Variants in BTNL9 observed in about 807,000 individuals in gnomAD.
BTNL9 encodes butyrophilin like 9.
In BTNL9, 45 loss-of-function variants were observed where a neutral mutation model predicts 45.8. The ratio of observed to expected loss-of-function variants is 0.98; its 90% CI spans 0.77 to 1.26. The LOEUF is 1.26. BTNL9 is among the 50% of genes most tolerant of loss of function. The pLI is 0.00. For synonymous variants in BTNL9, 346 were observed against 330.8 expected (o/e 1.05, Z -0.50); for missense variants, 784 against 729.7 (o/e 1.07, Z -0.86).
chr5:181,054,359 C>G (rs989044364), intron 7 of BTNL9, 100 bp downstream of exon 7: 3 of 1,571,996 alleles, frequency 1.9e-6, no homozygotes, highest in Non-Finnish European at 2.6e-6. Context: ...TGGCAACTAT[C>G]TAATTCTAAA....
At chr5:181,047,594 CT>C in intron 2 of BTNL9, 1 of 795,316 alleles carries the variant, frequency 1.3e-6, no homozygotes, top group Non-Finnish European at 1.6e-6. Flanking sequence ...TTGACACTTG[CT>C]TTTTTGATCA....
rs1241709510 is a variant in BTNL9 at position 181,045,765 on chromosome 5, C to A, written c.109+167C>A. On this transcript the variant is annotated intron_variant, in intron 2 of 10. Coordinates refer to ENST00000327705, the MANE Select transcript of BTNL9 (RefSeq NM_152547.5). ...AGCCACTACCCCGAGCATTACCCAG[C>A]CTGTAGTGATGTTCCTCCACCATCT... is the stretch of plus-strand genomic sequence containing the variant. Among the ~76,000 whole-genome samples, 4 of 151,764 alleles carry A rather than the reference C, an allele frequency of 2.6e-5. 1 individual carries two copies. Among genetic ancestry groups the A allele is most frequent in the African/African-American group, 9.7e-5 (4 of 41,268 alleles).
At chr5:181,058,232 C>T in intron 9 of BTNL9, 120 bp from the exon 10 acceptor site, 1 of 1,187,908 alleles carries the variant, frequency 8.4e-7, no homozygotes, top group East Asian at 2.3e-5. Context: ...CCAGTTGTCA[C>T]AGTGGGAATG....
At chr5:181,052,612 G>A (rs1761604194) in intron 4 of BTNL9, among the ~76,000 whole-genome samples, 1 of 152,342 alleles carries the variant, frequency 6.6e-6, no homozygotes, top group East Asian at 1.9e-4. Context: ...AAGGGCCGGT[G>A]GGTTCTGCGC....
intron 4 of BTNL9, among the ~76,000 whole-genome samples, chr5:181,051,078 C>CAAAAA (rs1399289272): frequency 2.0e-4 from 9 of 44,684 alleles, no homozygotes; most frequent in African/African-American, 7.7e-4. Flanking sequence ...GAATCCGTCT[C>CAAAAA]AAAAAAAAAA....
chr5:181,045,424 C>G, intron 1 of BTNL9, 43 bp from the exon 2 acceptor site: 1 of 1,054,378 alleles, frequency 9.5e-7, no homozygotes, highest in Non-Finnish European at 1.5e-6. Context: ...CCAGCTCCCC[C>G]TACCTTTGCA....
Position 181,053,305 on chromosome 5 carries a change from G to A in BTNL9, c.842G>A (p.Arg281Gln). 6.4e-7 allele frequency: 1 copy of A among 1,569,438 alleles called. No homozygotes were observed. The highest frequency in any genetic ancestry group is 8.6e-7 in the Non-Finnish European group (1 of 1,160,090). ...ALALGVLRKQ[R>Q]RSREKLRKQA... ...GCGCTGGGCGTCCTCCGGAAGCAGC[G>A]GAGAAGCCGAGGTACCGGCGCGGGC... Residue 281 changes from arginine to glutamine, a missense_variant, in exon 5 of 11, where the codon CGG (arginine) becomes CAG (glutamine). Coordinates refer to ENST00000327705, the MANE Select transcript of BTNL9 (RefSeq NM_152547.5). The surrounding 1 kb of genome is among the most constrained non-coding windows in gnomAD (Gnocchi z 6.5).
chr5:181,047,413 AATT>A, intron 2 of BTNL9: 1 of 805,794 alleles, frequency 1.2e-6, no homozygotes, highest in Non-Finnish European at 1.5e-6. Context: ...TGTACATGTG[AATT>A]ATTTTTTAAA....
chr5:181,055,303 TAAA>T lies in BTNL9; in HGVS notation c.908-119_908-117del. ...CAATGAAGGGGCAAAGAGGAAGCTG[TAAA>T]AAAAAAAAAATGAAGCTGTGATTAG... On this transcript the variant is annotated intron_variant, in intron 7 of 10. Transcript: ENST00000327705. This position sits in a 1 kb window ranked among gnomAD's most constrained non-coding sequence, Gnocchi z 4.4. 2.3e-6 allele frequency: 3 copies of T among 1,318,328 alleles called. No individual in the cohort carries two copies. Among genetic ancestry groups the T allele is most frequent in the East Asian group, 2.7e-5 (1 of 36,648 alleles). The allele number at this position is 1,318,328 out of a possible 1,614,324, so 81.7% of individuals were successfully genotyped here.
intron 2 of BTNL9, among the ~76,000 whole-genome samples, 173 bp from the exon 3 acceptor site, chr5:181,047,754 A>C (rs1249567476): frequency 6.6e-6 from 1 of 152,146 alleles, no homozygotes; most frequent in Non-Finnish European, 1.5e-5. Context: ...CGTGCACTCA[A>C]CGTTTTTTCG....
At chr5:181,049,383 A>G (rs1761410899) in intron 3 of BTNL9, among the ~76,000 whole-genome samples, 1 of 152,224 alleles carries the variant, frequency 6.6e-6, no homozygotes, top group African/African-American at 2.4e-5. Context: ...TATGCATCTG[A>G]AACAATGATG....
In BTNL9 at chr5:181,050,066, C is replaced by T; in HGVS notation, c.455-22C>T. On this transcript the variant is annotated intron_variant, in intron 3 of 10. Transcript: ENST00000327705. The surrounding 1 kb of genome is among the most constrained non-coding windows in gnomAD (Gnocchi z 4.9). Reference sequence around the variant, plus strand: ...TTTCTCAGAAGAAGCCTGACCTTTCCCACTCCTCCTGCCTCCACCAGGGCT... The same window carrying T: ...TTTCTCAGAAGAAGCCTGACCTTTCTCACTCCTCCTGCCTCCACCAGGGCT... 3.7e-6 allele frequency: 6 copies of T among 1,604,886 alleles called. No individual in the cohort carries two copies. Among genetic ancestry groups the T allele is most frequent in the Non-Finnish European group, 4.3e-6 (5 of 1,175,162 alleles).
chr5:181,043,577 C>T (rs1760922554), intron 1 of BTNL9: 1 of 152,250 alleles, frequency 6.6e-6, no homozygotes, highest in Non-Finnish European at 1.5e-5. Context: ...TCGACTAATT[C>T]CCCAGAACCC....
At position 181,050,415 on chromosome 5, in the gene BTNL9, A is replaced by G. The variant is rs750718819; in HGVS notation, c.736+46A>G. 6.9e-6 allele frequency: 11 copies of G among 1,592,680 alleles called. No individual in the cohort carries two copies. Among genetic ancestry groups the G allele is most frequent in the Non-Finnish European group, 9.4e-6 (11 of 1,166,446 alleles). On this transcript the variant is annotated intron_variant, in intron 4 of 10. Coordinates refer to ENST00000327705, the MANE Select transcript of BTNL9 (RefSeq NM_152547.5). This position sits in a 1 kb window ranked among gnomAD's most constrained non-coding sequence, Gnocchi z 4.9. ...ACCCATCTTCCTAGTCCTCATGTGTACATACACATTGGCCCAAAGGCAGTC... is the reference window on the plus strand; with the variant it reads ...ACCCATCTTCCTAGTCCTCATGTGTGCATACACATTGGCCCAAAGGCAGTC...
rs775038621 is a variant in BTNL9 at position 181,060,622 on chromosome 5, CT to C, written c.*764del. On this transcript the variant is annotated 3_prime_UTR_variant, in exon 11 of 11. Coordinates refer to ENST00000327705, the MANE Select transcript of BTNL9 (RefSeq NM_152547.5). The stretch of plus-strand genomic sequence containing the variant: ...TTAAAAAGGAGAAACAGGAAGGTTT[CT>C]TTTGGAGGTGAAATCTAATTATTGG... 3 of 152,190 alleles carry C rather than the reference CT, an allele frequency of 2.0e-5. No homozygotes were observed. The highest frequency in any genetic ancestry group is 4.4e-5 in the Non-Finnish European group (3 of 68,034). The allele number at this position is 152,190 out of a possible 1,614,324, so 9.4% of individuals were successfully genotyped here.
At chr5:181,056,838 G>A (rs1486681375) in intron 9 of BTNL9, 1 of 522,306 alleles carries the variant, frequency 1.9e-6, no homozygotes, top group African/African-American at 1.9e-5. Context: ...GATAAGTGAT[G>A]GCTCATTGTT....
At chr5:181,052,041 G>C (rs1761569598) in intron 4 of BTNL9, among the ~76,000 whole-genome samples, 1 of 151,974 alleles carries the variant, frequency 6.6e-6, no homozygotes, top group Non-Finnish European at 1.5e-5. Context: ...GAGGGTCACA[G>C]GTCAGAGAGA....
chr5:181,049,098 C>G (rs977382157), intron 3 of BTNL9, among the ~76,000 whole-genome samples: 2 of 151,412 alleles, frequency 1.3e-5, no homozygotes, highest in Admixed American at 1.3e-4. Flanking sequence ...AGAAAGCTGT[C>G]TTATACTATG....
chr5:181,060,134 G>A lies in BTNL9; in HGVS notation c.*272G>A. On this transcript the variant is annotated 3_prime_UTR_variant, in exon 11 of 11. Coordinates refer to ENST00000327705, the MANE Select transcript of BTNL9 (RefSeq NM_152547.5). ...CGCTCAGAGCTGGGGTGCTCACGGTGGGCGGTGGGCAAGAAGCCAGCATGG... is the reference window on the plus strand; with the variant it reads ...CGCTCAGAGCTGGGGTGCTCACGGTAGGCGGTGGGCAAGAAGCCAGCATGG... The A allele has an allele frequency of 2.3e-6, 1 of 435,382 alleles. No homozygotes were observed. The highest frequency in any genetic ancestry group is 4.0e-6 in the Non-Finnish European group (1 of 248,684). 27.0% of individuals were successfully genotyped at this position (435,382 alleles called of 1,614,324 possible).
Sources: allele counts gnomAD v4.1 joint callset (sites outside exome capture counted in the v4.1 genomes callset), GRCh38; gene constraint gnomAD v4.1.1; non-coding constraint Gnocchi (gnomAD v3.1); transcripts MANE v1.5; gene names NCBI Gene and HGNC (gene_info 2026-07-23, HGNC 2026-07-21).